Variants in BRINP3 observed in about 807,000 individuals in gnomAD.
BRINP3 encodes the protein BMP/retinoic acid-inducible neural-specific protein 3.
In BRINP3, 19 loss-of-function variants were observed where a neutral mutation model predicts 71.0. The observed-to-expected ratio is 0.27, with a 90% confidence interval of 0.19 to 0.39. The LOEUF (loss-of-function observed/expected upper bound fraction) is 0.39, where lower values mean the gene tolerates loss of function less well. Among genes scored for constraint, BRINP3 ranks in the 10% least tolerant of loss-of-function variants. The pLI is 1.00. For missense variants in BRINP3, 959 were observed against 940.8 expected (o/e 1.02, Z -0.25); for synonymous variants, 380 against 337.7 (o/e 1.13, Z -1.37).
chr1:190,098,788 G>A lies in BRINP3; in HGVS notation c.1531C>T (p.His511Tyr). ...LQKTDRRIEV[H>Y]AIFISNDMRL... Reference sequence around the variant, plus strand: ...ATGTCATTGCTGATAAAAATGGCATGGACTTCTATTCGTCTGTCCGTTTTC... The same window carrying A: ...ATGTCATTGCTGATAAAAATGGCATAGACTTCTATTCGTCTGTCCGTTTTC... Residue 511 changes from histidine to tyrosine, a missense_variant, in exon 8 of 8, where the codon CAT becomes TAT. His to Tyr is a moderately conservative substitution (Grantham distance 83, BLOSUM62 2). Coordinates refer to ENST00000367462, the MANE Select transcript of BRINP3 (RefSeq NM_199051.3). 1 of 1,614,192 alleles carries A rather than the reference G, an allele frequency of 6.2e-7. No homozygotes were observed. The highest frequency in any genetic ancestry group is 8.5e-7 in the Non-Finnish European group (1 of 1,180,040).
intron 3 of BRINP3, among the ~76,000 whole-genome samples, chr1:190,277,118 T>TATATATATATATATATATATATATA (rs376769940): frequency 6.2e-5 from 8 of 128,564 alleles, no homozygotes; most frequent in African/African-American, 1.3e-4. Flanking sequence ...TATATATATA[T>TATATATATATATATATATATATATA]TTATATTCAG....
chr1:190,341,973 G>A (rs1378846046), intron 2 of BRINP3, among the ~76,000 whole-genome samples: 1 of 150,732 alleles, frequency 6.6e-6, no homozygotes, highest in Non-Finnish European at 1.5e-5. Flanking sequence ...CAGCAGGACT[G>A]AGTTCTTCCT....
chr1:190,247,644 C>T lies in BRINP3; in HGVS notation c.619-13167G>A, dbSNP rs536529214. Among the ~76,000 whole-genome samples, 8 of 151,826 alleles carry T rather than the reference C, an allele frequency of 5.3e-5. No homozygotes were observed. The East Asian group carries it at 1.4e-3, about 26-fold the overall frequency. On this transcript the variant is annotated intron_variant, in intron 4 of 7. Coordinates refer to ENST00000367462, the MANE Select transcript of BRINP3 (RefSeq NM_199051.3). ...CATCTTCCACTCTCCCCTATATTTC[C>T]CATACTTCTCACCCTCTAATACCCA... is the stretch of plus-strand genomic sequence containing the variant.
intron 6 of BRINP3, among the ~76,000 whole-genome samples, chr1:190,179,003 T>C (rs966677178): frequency 6.6e-6 from 1 of 152,158 alleles, no homozygotes; most frequent in African/African-American, 2.4e-5. Flanking sequence ...AACGCCTACC[T>C]TTCTCCTTTC....
chr1:190,201,831 T>A (rs1354424934), intron 6 of BRINP3, among the ~76,000 whole-genome samples: 1 of 152,228 alleles, frequency 6.6e-6, no homozygotes, highest in Non-Finnish European at 1.5e-5. Context: ...TGGGAACCTC[T>A]GCCTAGATTT....
intron 2 of BRINP3, among the ~76,000 whole-genome samples, chr1:190,355,836 T>C (rs937215067): frequency 2.0e-5 from 3 of 151,928 alleles, no homozygotes; most frequent in African/African-American, 7.2e-5. Context: ...CTGACTTGAC[T>C]CATTCTTCAA....
chr1:190,280,807 C>T (rs900693310), intron 3 of BRINP3, among the ~76,000 whole-genome samples: 1 of 151,824 alleles, frequency 6.6e-6, no homozygotes, highest in African/African-American at 2.4e-5. Context: ...AATTGTGGGA[C>T]ATGATTTGAA....
chr1:190,198,911 C>T (rs1439587105), intron 6 of BRINP3, among the ~76,000 whole-genome samples: 1 of 152,128 alleles, frequency 6.6e-6, no homozygotes, highest in Admixed American at 6.5e-5. Context: ...GCACCCTACT[C>T]TTAGCACCAA....
chr1:190,271,782 T>C (rs1038548738), intron 3 of BRINP3, among the ~76,000 whole-genome samples: 7 of 151,590 alleles, frequency 4.6e-5, no homozygotes, highest in Non-Finnish European at 1.0e-4. Context: ...ATCATTAATT[T>C]CTTCTTAATA....
At chr1:190,358,772 CAAT>C (rs1668919008) in intron 2 of BRINP3, among the ~76,000 whole-genome samples, 1 of 152,084 alleles carries the variant, frequency 6.6e-6, no homozygotes, top group African/African-American at 2.4e-5. Flanking sequence ...AAATGTCCAA[CAAT>C]GATAGACTGG....
intron 2 of BRINP3, among the ~76,000 whole-genome samples, chr1:190,292,530 C>T (rs977258164): frequency 6.6e-6 from 1 of 151,984 alleles, no homozygotes; most frequent in Admixed American, 6.6e-5. Flanking sequence ...TGCCTGTAGT[C>T]CTATCTACTC....
intron 5 of BRINP3, among the ~76,000 whole-genome samples, chr1:190,229,574 A>C (rs1657742038): frequency 6.6e-6 from 1 of 151,720 alleles, no homozygotes; most frequent in Non-Finnish European, 1.5e-5. Context: ...CAACCATGAC[A>C]GAGATAGTAA....
intron 7 of BRINP3, among the ~76,000 whole-genome samples, chr1:190,127,110 T>C (rs747111367): frequency 3.3e-4 from 50 of 152,008 alleles, no homozygotes; most frequent in Middle Eastern, 3.4e-3. Context: ...GATAAATTAG[T>C]AATGCAGCAT....
intron 2 of BRINP3, among the ~76,000 whole-genome samples, chr1:190,358,405 G>GA (rs1476424391): frequency 1.3e-5 from 2 of 152,120 alleles, no homozygotes; most frequent in African/African-American, 2.4e-5. Flanking sequence ...ACAGACACAT[G>GA]AAAAAATGCT....
intron 2 of BRINP3, among the ~76,000 whole-genome samples, chr1:190,387,662 T>G (rs1048930266): frequency 1.3e-5 from 2 of 151,774 alleles, no homozygotes; most frequent in Admixed American, 1.3e-4. Context: ...CCGGTTGCTT[T>G]TCCTATGTCT....
intron 6 of BRINP3, among the ~76,000 whole-genome samples, chr1:190,202,456 G>A (rs2102616746): frequency 6.6e-6 from 1 of 152,240 alleles, no homozygotes; most frequent in African/African-American, 2.4e-5. Flanking sequence ...ATACTGAAAT[G>A]AGTTGGTACT....
chr1:190,117,060 C>T (rs1653197960), intron 7 of BRINP3, among the ~76,000 whole-genome samples: 1 of 152,050 alleles, frequency 6.6e-6, no homozygotes, highest in Admixed American at 6.5e-5. Flanking sequence ...TTGACCTTCT[C>T]AGCATAATGC....
intron 6 of BRINP3, among the ~76,000 whole-genome samples, chr1:190,177,914 TTTC>T: frequency 6.6e-6 from 1 of 152,334 alleles, no homozygotes; most frequent in Middle Eastern, 3.4e-3. Context: ...TACAAACTTT[TTTC>T]TTGTCATTAT....
chr1:190,155,332 C>T (rs544256267), intron 7 of BRINP3, among the ~76,000 whole-genome samples: 30 of 152,020 alleles, frequency 2.0e-4, no homozygotes, highest in South Asian at 1.2e-3. Flanking sequence ...TGTGTCCTGA[C>T]TCAGAAGATC....
Sources: gnomAD v4.1 joint callset for allele counts (sites outside exome capture counted in the v4.1 genomes callset) on GRCh38, gnomAD v4.1.1 for gene constraint, MANE v1.5 for transcripts, NCBI Gene and HGNC (gene_info 2026-07-23, HGNC 2026-07-21) for gene names.